AP5Z1: variants seen among roughly 807,000 people sequenced by gnomAD.
AP5Z1 encodes the protein AP-5 complex subunit zeta-1.
In AP5Z1, 106 loss-of-function variants were observed where a neutral mutation model predicts 83.0. The observed-to-expected ratio is 1.28, with a 90% CI of 1.09 to 1.50. The LOEUF (loss-of-function observed/expected upper bound fraction) is 1.50. Ranked by LOEUF, AP5Z1 falls within the 40% of genes most tolerant of loss-of-function variation. The pLI, the probability that AP5Z1 is intolerant of heterozygous loss-of-function variation, is 0.00. For synonymous variants in AP5Z1, 751 were observed against 514.1 expected (o/e 1.46, Z -6.23); for missense variants, 1,565 against 1,094.2 (o/e 1.43, Z -6.07).
At chr7:4,791,060 C>T in intron 16 of AP5Z1, 55 bp from the exon 17 acceptor site, 1 of 1,509,740 alleles carries the variant, frequency 6.6e-7, no homozygotes, top group South Asian at 1.3e-5. Flanking sequence ...TCCACACAGA[C>T]CCCTGTCCTG....
At chr7:4,781,494 G>T in intron 2 of AP5Z1, 74 bp from the exon 3 acceptor site, 1 of 1,561,636 alleles carries the variant, frequency 6.4e-7, no homozygotes, top group Non-Finnish European at 8.7e-7. Flanking sequence ...GCCCGGCCAG[G>T]TGCTCTGGGG....
chr7:4,783,187 C>G, intron 3 of AP5Z1, 129 bp from the exon 4 acceptor site: 1 of 1,387,260 alleles, frequency 7.2e-7, no homozygotes, highest in Non-Finnish European at 9.6e-7. Flanking sequence ...GGGACATCCT[C>G]CCTGCCACCT....
At chr7:4,787,833 T>G (rs141506233) in intron 11 of AP5Z1, 57 bp downstream of exon 11, 2 of 1,485,566 alleles carry the variant, frequency 1.3e-6, no homozygotes, top group Non-Finnish European at 9.0e-7. Flanking sequence ...TTCCACACAC[T>G]GGGCCCCCTC....
intron 13 of AP5Z1, among the ~76,000 whole-genome samples, chr7:4,789,584 G>A (rs550497335): frequency 1.3e-5 from 2 of 152,334 alleles, no homozygotes; most frequent in South Asian, 4.1e-4. Flanking sequence ...TGCAGAGCGG[G>A]AGTTGGCAGA....
At chr7:4,777,530 G>C (rs574414919) in intron 1 of AP5Z1, among the ~76,000 whole-genome samples, 4 of 152,232 alleles carry the variant, frequency 2.6e-5, no homozygotes, top group South Asian at 4.2e-4. Context: ...TGGGATTACA[G>C]GCGCCCGCCA....
In AP5Z1 at chr7:4,784,380, G is replaced by A. The variant is rs765199218; in HGVS notation, c.790+9G>A. 4 of 1,589,080 alleles carry A rather than the reference G, an allele frequency of 2.5e-6. No individual in the cohort carries two copies. In the South Asian group the frequency reaches 4.5e-5, roughly 18 times the overall value. On this transcript the variant is annotated intron_variant, in intron 6 of 16. Coordinates refer to ENST00000649063, the MANE Select transcript of AP5Z1 (RefSeq NM_014855.3). ...GGGCACCCTGGACACAGGTGTGCGG[G>A]GTGGGGGGATGACGTCAGACAGGGG...
chr7:4,775,907 C>T (rs563096984), intron 1 of AP5Z1, among the ~76,000 whole-genome samples, 151 bp downstream of exon 1: 17 of 152,218 alleles, frequency 1.1e-4, no homozygotes, highest in African/African-American at 4.1e-4. Context: ...TAAGGCAACA[C>T]GGCGGCCAGG....
intron 13 of AP5Z1, chr7:4,789,171 C>CCCCGCCG (rs1419568417): frequency 6.0e-6 from 3 of 502,418 alleles, no homozygotes; most frequent in Non-Finnish European, 1.1e-5. Flanking sequence ...GTTCCCCAGT[C>CCCCGCCG]CCCGTCCCAT....
Position 4,791,596 on chromosome 7 carries a change from ACTGAG to A in AP5Z1, c.*222_*226del, listed in dbSNP as rs534929490. 2.0e-4 allele frequency: 144 copies of A among 718,492 alleles called. No individual in the cohort carries two copies. In the African/African-American group the frequency reaches 2.3e-3, roughly 11 times the overall value. The allele number at this position is 718,492 out of a possible 1,614,324, so 44.5% of individuals were successfully genotyped here. On this transcript the variant is annotated 3_prime_UTR_variant, in exon 17 of 17. Coordinates refer to ENST00000649063, the MANE Select transcript of AP5Z1 (RefSeq NM_014855.3). ...TCCGAGCCTTTTGCTCCCAGGCAAC[ACTGAG>A]CTGAGCTGAGGGGTGCCATGGAGCG...
At position 4,786,175 on chromosome 7, in the gene AP5Z1, G is replaced by A. The variant is rs559278506; in HGVS notation, c.1133-75G>A. 62 of 1,430,038 alleles carry A rather than the reference G, an allele frequency of 4.3e-5. 1 individual carries two copies. The African/African-American group carries it at 8.0e-4, about 18-fold the overall frequency. 88.6% of individuals were successfully genotyped at this position (1,430,038 alleles called of 1,614,324 possible). A position where few individuals can be genotyped will look rare whatever the true frequency, so the allele number is the denominator to read the frequency against. On this transcript the variant is annotated intron_variant, in intron 9 of 16. Coordinates refer to ENST00000649063, the MANE Select transcript of AP5Z1 (RefSeq NM_014855.3). ...TCCTGGAGAGCAGGCCTGAGACTCA[G>A]GGCCCCTAACCAGTCACAGAAGCAC...
intron 1 of AP5Z1, among the ~76,000 whole-genome samples, chr7:4,779,479 TATA>T (rs1781322927): frequency 6.8e-6 from 1 of 147,434 alleles, no homozygotes. Context: ...ATTATATATA[TATA>T]TTTTTTTTTG....
chr7:4,781,214 G>GCTGTAAACTGTAACTGTA lies in AP5Z1; in HGVS notation c.81_82insCTGTAAACTGTAACTGTA (p.Arg27_Ile28insLeuTer), dbSNP rs751239311. The GCTGTAAACTGTAACTGTA allele has an allele frequency of 1.2e-4, 196 of 1,613,876 alleles. No homozygotes were observed. Among genetic ancestry groups the GCTGTAAACTGTAACTGTA allele is most frequent in the Non-Finnish European group, 1.6e-4 (191 of 1,179,894 alleles). ...AGGAGCTGAAGAAGTTCTGTTCCCG[G>GCTGTAAACTGTAACTGTA]ATCTGTAAACTGCTGCAGGCGGAGG... On this transcript the variant is annotated stop_gained and inframe_insertion, in exon 2 of 17. Transcript: ENST00000649063. LOFTEE classifies it high-confidence loss of function.
intron 10 of AP5Z1, 150 bp from the exon 11 acceptor site, chr7:4,787,484 T>C: frequency 2.5e-6 from 3 of 1,206,170 alleles, no homozygotes; most frequent in Non-Finnish European, 2.2e-6. Context: ...AGACCCTGTC[T>C]CAAAAAAATA....
rs1781384086 is a variant in AP5Z1, at chr7:4,781,588, ACCTGCTGCAGGCCACCCTCGG to A, written c.206_226del (p.Leu69_Leu75del). The A allele has an allele frequency of 1.2e-6, 2 of 1,608,982 alleles. No homozygotes were observed. Among genetic ancestry groups the A allele is most frequent in the Non-Finnish European group, 1.7e-6 (2 of 1,176,864 alleles). ...TCCAGGCTGGAGAAGACATGCGTAG[ACCTGCTGCAGGCCACCCTCGG>A]CCTGCCTGCATGCCCCGAGCAGCTC... On this transcript the variant is annotated inframe_deletion, in exon 3 of 17. Coordinates refer to ENST00000649063, the MANE Select transcript of AP5Z1 (RefSeq NM_014855.3).
At position 4,775,676 on chromosome 7, in the gene AP5Z1, G is replaced by C. The variant is rs1283382097; in HGVS notation, c.-40G>C. 8 of 1,605,538 alleles carry C rather than the reference G, an allele frequency of 5.0e-6. No homozygotes were observed. The highest frequency in any genetic ancestry group is 6.8e-6 in the Non-Finnish European group (8 of 1,179,602). On this transcript the variant is annotated 5_prime_UTR_variant, in exon 1 of 17. Coordinates refer to ENST00000649063, the MANE Select transcript of AP5Z1 (RefSeq NM_014855.3). ...CGGAGCTCCTGGGCTGCAGCTCCTG[G>C]AGTTTCCGAGGTTCGTGCGCGTCTG...
rs1379523303 is a variant in AP5Z1, at chr7:4,794,096, T to C, written c.*2711T>C. 1 of 152,478 alleles carries C rather than the reference T, an allele frequency of 6.6e-6. No homozygotes were observed. Among genetic ancestry groups the C allele is most frequent in the Admixed American group, 6.5e-5 (1 of 15,286 alleles). 9.4% of individuals were successfully genotyped at this position (152,478 alleles called of 1,614,324 possible). A position where few individuals can be genotyped will look rare whatever the true frequency, so the allele number is the denominator to read the frequency against. On this transcript the variant is annotated 3_prime_UTR_variant, in exon 17 of 17. Coordinates refer to ENST00000649063, the MANE Select transcript of AP5Z1 (RefSeq NM_014855.3). ...AGCTCAGGGTTTGTGAATGCACCAA[T>C]AGACACTCTGTATCTAGCTACTCTG... is the stretch of plus-strand genomic sequence containing the variant.
At position 4,792,236 on chromosome 7, in the gene AP5Z1, G is replaced by A. The variant is rs894108334; in HGVS notation, c.*851G>A. On this transcript the variant is annotated 3_prime_UTR_variant, in exon 17 of 17. Transcript: ENST00000649063. ...TGTCGCACGTTCCGCCCGGTGCCTG[G>A]GACGGGCTCAGCCGCCAGGGGGCGC... 1.1e-4 allele frequency: 17 copies of A among 152,198 alleles called. No individual in the cohort carries two copies. Among genetic ancestry groups the A allele is most frequent in the African/African-American group, 3.9e-4 (16 of 41,426 alleles). 9.4% of individuals were successfully genotyped at this position (152,198 alleles called of 1,614,324 possible).
At position 4,786,403 on chromosome 7, in the gene AP5Z1, G is replaced by T; in HGVS notation, c.1286G>T (p.Arg429Ile). Residue 429 changes from arginine to isoleucine, a missense_variant, in exon 10 of 17, where the codon AGA becomes ATA. By Grantham distance (97) the Arg-to-Ile change is moderately conservative. Coordinates refer to ENST00000649063, the MANE Select transcript of AP5Z1 (RefSeq NM_014855.3). ...TTCAGCGGGCACCTCAGCACCCTCAGATTGAGCTTCCCCAACCTCTTTAAG... is the reference window on the plus strand; with the variant it reads ...TTCAGCGGGCACCTCAGCACCCTCATATTGAGCTTCCCCAACCTCTTTAAG... Reference protein sequence around the residue: ...HLFSGHLSTLRLSFPNLFKFL... With the variant: ...HLFSGHLSTLILSFPNLFKFL... 1.2e-6 allele frequency: 2 copies of T among 1,613,892 alleles called. No homozygotes were observed. The highest frequency in any genetic ancestry group is 1.1e-5 in the South Asian group (1 of 91,082).
Position 4,783,195 on chromosome 7 carries a change from C to T in AP5Z1, c.367-121C>T, listed in dbSNP as rs377422048. The T allele has an allele frequency of 8.4e-5, 118 of 1,412,934 alleles. 1 individual carries two copies. The African/African-American group carries it at 1.3e-3, about 16-fold the overall frequency. The allele number at this position is 1,412,934 out of a possible 1,614,324, so 87.5% of individuals were successfully genotyped here. A position where few individuals can be genotyped will look rare whatever the true frequency, so the allele number is the denominator to read the frequency against. On this transcript the variant is annotated intron_variant, in intron 3 of 16. Coordinates refer to ENST00000649063, the MANE Select transcript of AP5Z1 (RefSeq NM_014855.3). ...CCTGCGCGGGACATCCTCCCTGCCA[C>T]CTGCTAGGCCGGGGTCTCAGCGACC...
Sources: gnomAD v4.1 joint callset for allele counts (sites outside exome capture counted in the v4.1 genomes callset) on GRCh38, gnomAD v4.1.1 for gene constraint, MANE v1.5 for transcripts, NCBI Gene and HGNC (gene_info 2026-07-23, HGNC 2026-07-21) for gene names.